Variants in OSBPL10 observed in about 807,000 individuals in gnomAD.
The protein encoded by OSBPL10 is oxysterol binding protein like 10, also known as oxysterol-binding protein-related protein 10.
In OSBPL10, 49 loss-of-function variants were observed where a neutral mutation model predicts 81.7. The ratio of observed to expected loss-of-function variants is 0.60; its 90% CI spans 0.48 to 0.76. OSBPL10 has a LOEUF of 0.76. Among genes scored for constraint, OSBPL10 ranks in the 30% least tolerant of loss-of-function variants. The pLI, the probability that OSBPL10 is intolerant of heterozygous loss-of-function variation, is 0.00. For synonymous variants in OSBPL10, 419 were observed against 383.6 expected, an observed-to-expected ratio of 1.09 and a Z score of -1.08; for missense variants, 923 against 987.8, an observed-to-expected ratio of 0.93 and a Z score of 0.88.
intron 2 of OSBPL10, among the ~76,000 whole-genome samples, chr3:31,996,201 G>A (rs747150152): frequency 1.2e-4 from 18 of 152,168 alleles, no homozygotes; most frequent in Non-Finnish European, 2.1e-4. Flanking sequence ...TACCAAAGTG[G>A]ACAAAATATT....
chr3:31,886,567 G>A (rs72851838), intron 1 of OSBPL10, among the ~76,000 whole-genome samples: 3,131 of 152,322 alleles, frequency 0.021, 106 homozygotes, highest in African/African-American at 0.071. Flanking sequence ...CTGCTGGACT[G>A]CATGAACGGG....
At chr3:31,967,034 A>C (rs1172526506) in intron 1 of OSBPL10, among the ~76,000 whole-genome samples, 5 of 152,100 alleles carry the variant, frequency 3.3e-5, no homozygotes, top group Admixed American at 2.0e-4. Context: ...TAAATGGTTA[A>C]AACACATTTT....
chr3:32,026,105 G>T (rs984883451), intron 2 of OSBPL10, among the ~76,000 whole-genome samples: 1 of 139,054 alleles, frequency 7.2e-6, no homozygotes, highest in East Asian at 2.9e-4. Flanking sequence ...TAGATAGATA[G>T]AGATAGAGAT....
At chr3:31,837,321 TTA>T (rs59797512) in intron 3 of OSBPL10, among the ~76,000 whole-genome samples, 129 of 58,986 alleles carry the variant, frequency 2.2e-3, no homozygotes, top group Middle Eastern at 0.011. Context: ...GATCCCCAAA[TTA>T]TATATATATA....
intron 1 of OSBPL10, among the ~76,000 whole-genome samples, chr3:31,953,078 C>T (rs779624181): frequency 9.2e-5 from 14 of 151,524 alleles, no homozygotes; most frequent in Non-Finnish European, 1.3e-4. Context: ...ATTACAGGCG[C>T]CCACCACCAT....
In OSBPL10 at chr3:31,806,696, G is replaced by T. The variant is rs181668494; in HGVS notation, c.729+23344C>A. On this transcript the variant is annotated intron_variant, in intron 4 of 11. Coordinates refer to ENST00000396556, the MANE Select transcript of OSBPL10 (RefSeq NM_017784.5). ...AAAAATAAAGCAAGGCAAGGGCATA[G>T]AGAGTGATGGGGCAGGGGGTGCTGC... Among the ~76,000 whole-genome samples the T allele has an allele frequency of 2.2e-3, 334 of 152,220 alleles. 2 individuals carry two copies. Among genetic ancestry groups the T allele is most frequent in the African/African-American group, 6.8e-3 (284 of 41,536 alleles).
intron 1 of OSBPL10, among the ~76,000 whole-genome samples, chr3:31,927,954 G>A (rs1697124013): frequency 6.6e-6 from 1 of 152,104 alleles, no homozygotes; most frequent in Non-Finnish European, 1.5e-5. Flanking sequence ...TGCCATACAG[G>A]TAAGGAGTAA....
At chr3:32,022,231 G>A (rs941488838) in intron 2 of OSBPL10, among the ~76,000 whole-genome samples, 10 of 152,120 alleles carry the variant, frequency 6.6e-5, no homozygotes, top group African/African-American at 7.2e-5. Flanking sequence ...CTCACTTGGT[G>A]CAGCAAAGCC....
chr3:31,704,512 T>C (rs1457915094), intron 6 of OSBPL10: 1 of 152,216 alleles, frequency 6.6e-6, no homozygotes, highest in African/African-American at 2.4e-5. Context: ...ACCACCATGG[T>C]GTACCCAACA....
chr3:31,673,113 TC>T (rs1362767195), intron 8 of OSBPL10, among the ~76,000 whole-genome samples: 3 of 152,112 alleles, frequency 2.0e-5, no homozygotes, highest in African/African-American at 7.2e-5. Context: ...CATTCATTCT[TC>T]CTTCTGCATT....
At chr3:32,007,421 G>A (rs950867748) in intron 2 of OSBPL10, among the ~76,000 whole-genome samples, 2 of 152,142 alleles carry the variant, frequency 1.3e-5, no homozygotes, top group African/African-American at 4.8e-5. Context: ...CTGGAAGCCA[G>A]AAGTCTGAAA....
At chr3:31,832,731 C>T (rs929238255) in intron 3 of OSBPL10, among the ~76,000 whole-genome samples, 14 of 152,120 alleles carry the variant, frequency 9.2e-5, no homozygotes, top group African/African-American at 3.1e-4. Context: ...CATCTCATCA[C>T]GGCAGGATGT....
chr3:31,677,501 T>C (rs1479749309), intron 8 of OSBPL10, among the ~76,000 whole-genome samples: 1 of 152,180 alleles, frequency 6.6e-6, no homozygotes, highest in Admixed American at 6.5e-5. Context: ...CAGAATCTTC[T>C]TTCTGAACTC....
chr3:31,922,027 C>T (rs1696932431), intron 1 of OSBPL10, among the ~76,000 whole-genome samples: 1 of 152,174 alleles, frequency 6.6e-6, no homozygotes, highest in African/African-American at 2.4e-5. Flanking sequence ...GTCCTCAAAA[C>T]TGTCAAGGTC....
At chr3:31,737,941 G>A (rs113759753) in intron 5 of OSBPL10, among the ~76,000 whole-genome samples, 8 of 151,278 alleles carry the variant, frequency 5.3e-5, no homozygotes, top group African/African-American at 1.2e-4. Context: ...GCAGTGAGCC[G>A]AGATCATGCC....
intron 3 of OSBPL10, among the ~76,000 whole-genome samples, chr3:31,862,424 G>T (rs1315816984): frequency 6.6e-6 from 1 of 152,122 alleles, no homozygotes; most frequent in African/African-American, 2.4e-5. Context: ...AATAAAAGAT[G>T]TCTGCGTTCC....
intron 1 of OSBPL10, among the ~76,000 whole-genome samples, chr3:31,901,750 A>G (rs1696249373): frequency 6.6e-6 from 1 of 152,214 alleles, no homozygotes; most frequent in Admixed American, 6.5e-5. Flanking sequence ...AATGCCTGGT[A>G]CAAAAAGGGC....
intron 5 of OSBPL10, among the ~76,000 whole-genome samples, chr3:31,746,485 C>A (rs557623342): frequency 5.3e-5 from 8 of 151,976 alleles, no homozygotes; most frequent in African/African-American, 1.9e-4. Flanking sequence ...TCAAGACCAG[C>A]CTGAACAACG....
chr3:31,905,299 G>A (rs1696371362), intron 1 of OSBPL10, among the ~76,000 whole-genome samples: 1 of 146,054 alleles, frequency 6.8e-6, no homozygotes, highest in Admixed American at 7.1e-5. Flanking sequence ...ATATGTCAAA[G>A]AGCACATGGC....
Sources: allele counts gnomAD v4.1 joint callset (sites outside exome capture counted in the v4.1 genomes callset), GRCh38; gene constraint gnomAD v4.1.1; transcripts MANE v1.5; gene names NCBI Gene and HGNC (gene_info 2026-07-23, HGNC 2026-07-21).